The following SUSD2 variants were observed in gnomAD, a reference collection of about 807,000 sequenced individuals.
The protein encoded by SUSD2 is sushi domain containing 2.
A neutral mutation model predicts 93.8 loss-of-function variants in SUSD2; 86 were observed. The observed-to-expected ratio is 0.92, with a 90% CI of 0.77 to 1.10. SUSD2 has a LOEUF of 1.10. SUSD2 is among the 50% of genes least tolerant of loss of function. SUSD2 has a pLI of 0.00. For missense variants in SUSD2, 1,060 were observed against 1,137.0 expected (o/e 0.93, Z 0.97); for synonymous variants, 483 against 485.0 (o/e 1.00, Z 0.05).
chr22:24,185,824 G>T lies in SUSD2; in HGVS notation c.1234G>T (p.Asp412Tyr). 1 of 1,609,410 alleles carries T rather than the reference G, an allele frequency of 6.2e-7. No individual in the cohort carries two copies. The change falls in exon 8 of 15, where the codon GAT (aspartate) becomes TAT (tyrosine). Residue 412 changes from aspartate to tyrosine, a missense_variant. This residue lies in a region of SUSD2 where 973 missense variants were observed against 1,005.3 expected (regional missense o/e 0.97). Transcript: ENST00000358321. ...RVPSMSHWLYDVLSFYYCCLW... is the reference protein window; with the variant it reads ...RVPSMSHWLYYVLSFYYCCLW... The stretch of plus-strand genomic sequence containing the variant: ...GCCCAGCATGTCCCACTGGCTCTAC[G>T]ATGTCCTCAGCTTCTATTACTGCTG...
At chr22:24,183,931 G>A in intron 3 of SUSD2, 3 of 661,760 alleles carry the variant, frequency 4.5e-6, no homozygotes, top group Non-Finnish European at 7.6e-6. Context: ...GCCAGGTCGA[G>A]GCTAGAGGCG....
Position 24,188,012 on chromosome 22 carries a change from A to G in SUSD2, c.2218A>G (p.Arg740Gly). 6.2e-7 allele frequency: 1 copy of G among 1,613,032 alleles called. No homozygotes were observed. The highest frequency in any genetic ancestry group is 8.5e-7 in the Non-Finnish European group (1 of 1,179,988). ...PPPNGQKEGN[R>G]YLAGSTIYFH... ...TCCCAACGGACAAAAGGAGGGCAAC[A>G]GGTACCTGGCGGGTTCCACCATCTA... is the stretch of plus-strand genomic sequence containing the variant. Residue 740 changes from arginine to glycine, a missense_variant, in exon 13 of 15, where the codon AGG (arginine) becomes GGG (glycine). By Grantham distance (125) the Arg-to-Gly change is moderately radical (BLOSUM62 -2). This residue lies in a region of SUSD2 where 973 missense variants were observed against 1,005.3 expected (regional missense o/e 0.97). Transcript: ENST00000358321. The surrounding 1 kb of genome is among the most constrained non-coding windows in gnomAD (Gnocchi z 4.7).
chr22:24,186,223 C>A, intron 9 of SUSD2, 34 bp from the exon 10 acceptor site: 10 of 1,610,746 alleles, frequency 6.2e-6, no homozygotes, highest in Non-Finnish European at 8.5e-6. Flanking sequence ...GAGGCTGGAG[C>A]CAAGTGGCTC....
chr22:24,183,402 C>T (rs1398188315), intron 2 of SUSD2, 93 bp from the exon 3 acceptor site: 2 of 1,545,122 alleles, frequency 1.3e-6, no homozygotes, highest in Admixed American at 1.7e-5. Flanking sequence ...GGACAGCTGG[C>T]TGGTTGGGTT....
Position 24,188,425 on chromosome 22 carries a change from G to T in SUSD2, c.2458G>T (p.Ala820Ser). 1 of 1,610,752 alleles carries T rather than the reference G, an allele frequency of 6.2e-7. No homozygotes were observed. ...TTTCTGTTGCAGGCACGTCTGGGGT[G>T]CACAGCCCTGATGGGAGCAGCTTGG... is the stretch of plus-strand genomic sequence containing the variant. ...RRKGNTHVWG[A>S]QP Residue 820 changes from alanine (A) to serine (S), a missense_variant, in exon 15 of 15, where the codon GCA (alanine) becomes TCA (serine). Ala to Ser is a moderately conservative substitution (Grantham distance 99). Coordinates refer to ENST00000358321, the MANE Select transcript of SUSD2 (RefSeq NM_019601.4). This position sits in a 1 kb window ranked among gnomAD's most constrained non-coding sequence, Gnocchi z 4.7.
At position 24,181,897 on chromosome 22, in the gene SUSD2, T is replaced by G. The variant is rs1366647003; in HGVS notation, c.76+302T>G. On this transcript the variant is annotated intron_variant, in intron 1 of 14. Coordinates refer to ENST00000358321, the MANE Select transcript of SUSD2 (RefSeq NM_019601.4). ...GGGATCACGGAGGGGGAGCCAGGAT[T>G]GTGGGTCCTCATCAGGGTGGGGCTG... is the stretch of plus-strand genomic sequence containing the variant. Among the ~76,000 whole-genome samples, 4 of 152,276 alleles carry G rather than the reference T, an allele frequency of 2.6e-5. No homozygotes were observed. In the East Asian group the frequency reaches 7.7e-4, roughly 29 times the overall value.
rs2148865318 is a variant in SUSD2, at chr22:24,183,530, A to T, written c.323A>T (p.Asp108Val). The change falls in exon 3 of 15, where the codon GAC becomes GTC. Residue 108 changes from aspartate (D) to valine (V), a missense_variant. Transcript: ENST00000358321. ...AGCATCCAGACCCTCGGCCATGTGGACTCCTCCGGGCAAGTGCACTGTGTG... is the reference window on the plus strand; with the variant it reads ...AGCATCCAGACCCTCGGCCATGTGGTCTCCTCCGGGCAAGTGCACTGTGTG... ...KDSIQTLGHVDSSGQVHCVSP... is the reference protein window; with the variant it reads ...KDSIQTLGHVVSSGQVHCVSP... The T allele has an allele frequency of 6.2e-7, 1 of 1,612,730 alleles. No individual in the cohort carries two copies. The highest frequency in any genetic ancestry group is 2.2e-5 in the East Asian group (1 of 44,846).
At position 24,185,867 on chromosome 22, in the gene SUSD2, G is replaced by T; in HGVS notation, c.1277G>T (p.Cys426Phe). 2 of 1,595,624 alleles carry T rather than the reference G, an allele frequency of 1.3e-6. No individual in the cohort carries two copies. The highest frequency in any genetic ancestry group is 1.7e-6 in the Non-Finnish European group (2 of 1,169,940). ...TACTGCTGCCTCTGGGCACCCGACT[G>T]CCCCCGCTACATGCAACGGCGGCCC... Reference protein sequence around the residue: ...FYYCCLWAPDCPRYMQRRPSN... With the variant: ...FYYCCLWAPDFPRYMQRRPSN... Residue 426 changes from cysteine (C) to phenylalanine (F), a missense_variant, in exon 8 of 15, where the codon TGC becomes TTC. Cys to Phe is a radical substitution (Grantham distance 205). This residue lies in a region of SUSD2 where 973 missense variants were observed against 1,005.3 expected (regional missense o/e 0.97). Coordinates refer to ENST00000358321, the MANE Select transcript of SUSD2 (RefSeq NM_019601.4).
chr22:24,187,089 C>T (rs1475319751), intron 10 of SUSD2, 113 bp from the exon 11 acceptor site: 3 of 1,425,092 alleles, frequency 2.1e-6, no homozygotes, highest in Admixed American at 2.0e-5. Flanking sequence ...CCTCCCTTCC[C>T]CTGCAGGTGC....
At position 24,187,287 on chromosome 22, in the gene SUSD2, G is replaced by T. The variant is rs759766766; in HGVS notation, c.1728G>T (p.Pro576=). The T allele has an allele frequency of 4.4e-5, 71 of 1,613,916 alleles. No homozygotes were observed. Among genetic ancestry groups the T allele is most frequent in the Non-Finnish European group, 5.9e-5 (70 of 1,180,010 alleles). The part of the protein sequence containing the change: ...GAGLEVSVQG[P]FLSVSVLLPE... ...GCCTGGAGGTCAGCGTGCAGGGCCCGTTCCTGAGTGTGTCCGTCCTGCTGC... is the reference window on the plus strand; with the variant it reads ...GCCTGGAGGTCAGCGTGCAGGGCCCTTTCCTGAGTGTGTCCGTCCTGCTGC... Residue 576 remains proline (P), a synonymous_variant, in exon 11 of 15, where the codon CCG becomes CCT. Transcript: ENST00000358321.
intron 5 of SUSD2, 24 bp from the exon 6 acceptor site, chr22:24,185,070 G>C (rs771711679): frequency 1.2e-6 from 2 of 1,612,552 alleles, no homozygotes; most frequent in South Asian, 1.1e-5. Flanking sequence ...GGCTGGCCCA[G>C]CTCCAGCATC....
Position 24,187,446 on chromosome 22 carries a change from C to T in SUSD2, c.1887C>T (p.Ala629=), listed in dbSNP as rs778424175. 11 of 1,612,858 alleles carry T rather than the reference C, an allele frequency of 6.8e-6. No individual in the cohort carries two copies. In the East Asian group the frequency reaches 2.5e-4, roughly 36 times the overall value. The change falls in exon 11 of 15, where the codon GCC becomes GCT. Residue 629 remains alanine (A), a synonymous_variant. Transcript: ENST00000358321. ...CCCAGGAGCTGTTCCTGTTTGGGGC[C>T]AACTGTGAGTGACCGTGGAGTATAT... ...TSPQELFLFG[A]NWTVHNASSL...
At position 24,187,350 on chromosome 22, in the gene SUSD2, G is replaced by T. The variant is rs763046508; in HGVS notation, c.1791G>T (p.Gly597=). 46 of 1,613,950 alleles carry T rather than the reference G, an allele frequency of 2.9e-5. No homozygotes were observed. The highest frequency in any genetic ancestry group is 3.9e-5 in the Non-Finnish European group (46 of 1,180,024). ...KFLTHTHGLL[G]TLNNDPTDDF... Reference sequence around the variant, plus strand: ...TCACCCACACCCACGGCCTCCTCGGGACACTCAACAACGACCCCACCGACG... The same window carrying T: ...TCACCCACACCCACGGCCTCCTCGGTACACTCAACAACGACCCCACCGACG... The change falls in exon 11 of 15, where the codon GGG becomes GGT. Residue 597 remains glycine (G), a synonymous_variant. Transcript: ENST00000358321.
Position 24,187,671 on chromosome 22 carries a change from C to G in SUSD2, c.1992C>G (p.Leu664=), listed in dbSNP as rs1443767151. ...QPKHDPTFEP[L]FPSETTLNPS... The stretch of plus-strand genomic sequence containing the variant: ...AGCACGACCCCACCTTCGAGCCCCT[C>G]TTCCCCAGTGAGACCACCCTCAACC... The change falls in exon 12 of 15, where the codon CTC becomes CTG. Residue 664 remains leucine, a synonymous_variant. Coordinates refer to ENST00000358321, the MANE Select transcript of SUSD2 (RefSeq NM_019601.4). 4 of 1,614,024 alleles carry G rather than the reference C, an allele frequency of 2.5e-6. No homozygotes were observed. The highest frequency in any genetic ancestry group is 3.4e-6 in the Non-Finnish European group (4 of 1,180,042).
intron 1 of SUSD2, 53 bp downstream of exon 1, chr22:24,181,648 C>T (rs985209069): frequency 2.1e-6 from 3 of 1,416,120 alleles, no homozygotes; most frequent in Non-Finnish European, 1.9e-6. Context: ...CTGTCTGCAG[C>T]CAGGCCTGGG....
intron 1 of SUSD2, 130 bp downstream of exon 1, chr22:24,181,725 G>A: frequency 1.4e-6 from 1 of 725,372 alleles, no homozygotes; most frequent in South Asian, 2.2e-5. Flanking sequence ...TAGGGGTGAT[G>A]GGAAGAAATT....
intron 1 of SUSD2, among the ~76,000 whole-genome samples, chr22:24,182,420 C>T (rs2047330771): frequency 6.6e-6 from 1 of 152,150 alleles, no homozygotes; most frequent in African/African-American, 2.4e-5. Flanking sequence ...TGAAATGTCC[C>T]TCCTCTCCCC....
chr22:24,182,748 G>T, intron 1 of SUSD2: 2 of 322,422 alleles, frequency 6.2e-6, no homozygotes, highest in Non-Finnish European at 1.2e-5. Flanking sequence ...GGTGGCTGAA[G>T]GGCAGTCATG....
At chr22:24,182,623 G>T (rs184232812) in intron 1 of SUSD2, 4 of 186,726 alleles carry the variant, frequency 2.1e-5, no homozygotes, top group Non-Finnish European at 4.5e-5. Flanking sequence ...TCTTCTGCAG[G>T]CTTCAGGGCC....
Sources: gnomAD v4.1 joint callset for allele counts (sites outside exome capture counted in the v4.1 genomes callset) on GRCh38, gnomAD v4.1.1 for gene constraint, gnomAD v4.1.1 regional missense constraint, Gnocchi (gnomAD v3.1) non-coding constraint, MANE v1.5 for transcripts, NCBI Gene and HGNC (gene_info 2026-07-23, HGNC 2026-07-21) for gene names.